ZC3HAV1: variants seen among roughly 807,000 people sequenced by gnomAD.
ZC3HAV1 encodes the protein zinc finger CCCH-type containing, antiviral 1, also known as zinc finger CCCH-type antiviral protein 1.
ZC3HAV1 carries 41 observed loss-of-function variants against 86.6 expected under a neutral mutation model. That is an observed-to-expected ratio of 0.47 (90% CI 0.37 to 0.61). The LOEUF (loss-of-function observed/expected upper bound fraction) is 0.61, where lower values mean the gene tolerates loss of function less well. Among genes scored for constraint, ZC3HAV1 ranks in the 20% least tolerant of loss-of-function variants. The pLI, the probability that ZC3HAV1 is intolerant of heterozygous loss-of-function variation, is 0.00. For synonymous variants in ZC3HAV1, 421 were observed against 432.1 expected, an observed-to-expected ratio of 0.97 and a Z score of 0.32; for missense variants, 964 against 1,141.1, an observed-to-expected ratio of 0.84 and a Z score of 2.24.
At chr7:139,086,774 A>G (rs1354024380) in intron 2 of ZC3HAV1, among the ~76,000 whole-genome samples, 1 of 152,136 alleles carries the variant, frequency 6.6e-6, no homozygotes, top group East Asian at 1.9e-4. Flanking sequence ...TTCTCACAAG[A>G]TGTGATGGTT....
At position 139,060,664 on chromosome 7, in the gene ZC3HAV1, G is replaced by T. The variant is rs1426171403; in HGVS notation, c.2096+372C>A. The T allele has an allele frequency of 1.1e-5, 11 of 1,025,174 alleles. No individual in the cohort carries two copies. In the Admixed American group the frequency reaches 2.6e-4, roughly 24 times the overall value. 63.5% of individuals were successfully genotyped at this position (1,025,174 alleles called of 1,614,324 possible). On this transcript the variant is annotated intron_variant, in intron 9 of 12. Coordinates refer to ENST00000242351, the MANE Select transcript of ZC3HAV1 (RefSeq NM_020119.4). ...AAGACCAGCCTGGGCAACAAAGTGAGACCCCCTCTAAAAAAAAAAAAAAAA... is the reference window on the plus strand; with the variant it reads ...AAGACCAGCCTGGGCAACAAAGTGATACCCCCTCTAAAAAAAAAAAAAAAA...
At chr7:139,051,706 A>G (rs1429216740) in intron 12 of ZC3HAV1, among the ~76,000 whole-genome samples, 3 of 152,204 alleles carry the variant, frequency 2.0e-5, no homozygotes, top group Non-Finnish European at 4.4e-5. Flanking sequence ...TTACAGGTCT[A>G]AGCTACCATG....
Position 139,078,614 on chromosome 7 carries a change from A to C in ZC3HAV1, c.1511T>G (p.Val504Gly), listed in dbSNP as rs774360949. Residue 504 changes from valine (V) to glycine (G), a missense_variant, in exon 5 of 13, where the codon GTG becomes GGG. Transcript: ENST00000242351. ...AATTTCCTCTGAGTCATGATCATCC[A>C]CCCTAGAAGATGTGGTACTTGTGAC... ...SDVTSTTSSRVDDHDSEEICL... is the reference protein window; with the variant it reads ...SDVTSTTSSRGDDHDSEEICL... The C allele has an allele frequency of 9.4e-6, 15 of 1,590,438 alleles. No homozygotes were observed. In the African/African-American group the frequency reaches 2.0e-4, roughly 22 times the overall value.
intron 12 of ZC3HAV1, among the ~76,000 whole-genome samples, chr7:139,049,142 T>TCCG (rs529568257): frequency 4.8e-5 from 5 of 104,900 alleles, no homozygotes; most frequent in African/African-American, 9.2e-5. Context: ...TTTTTTTTTT[T>TCCG]TCGTTGTTGT....
rs866125661 is a variant in ZC3HAV1 at position 139,065,836 on chromosome 7, G to A, written c.1873-837C>T. Among the ~76,000 whole-genome samples the A allele has an allele frequency of 3.3e-4, 50 of 152,270 alleles. 1 individual carries two copies. The Middle Eastern group carries it at 0.02, about 62-fold the overall frequency. Reference sequence around the variant, plus strand: ...GGAGAATCGCTTAAACTCGGGGGGCGGAGGTTGCAGTGAGCCAAGATCGTG... The same window carrying A: ...GGAGAATCGCTTAAACTCGGGGGGCAGAGGTTGCAGTGAGCCAAGATCGTG... On this transcript the variant is annotated intron_variant, in intron 7 of 12. Coordinates refer to ENST00000242351, the MANE Select transcript of ZC3HAV1 (RefSeq NM_020119.4).
intron 12 of ZC3HAV1, among the ~76,000 whole-genome samples, chr7:139,053,192 A>G (rs1343195871): frequency 1.3e-5 from 2 of 152,202 alleles, no homozygotes; most frequent in South Asian, 2.1e-4. Context: ...GGAGTAGTTT[A>G]CAAGCACGTA....
intron 1 of ZC3HAV1, among the ~76,000 whole-genome samples, chr7:139,101,477 C>T (rs1265575557): frequency 5.2e-4 from 55 of 105,296 alleles, no homozygotes; most frequent in East Asian, 1.3e-3. Context: ...ATGTGAGGAG[C>T]GCCTCAGCCC....
intron 7 of ZC3HAV1, 101 bp from the exon 8 acceptor site, chr7:139,065,100 A>AT: frequency 1.3e-6 from 2 of 1,502,502 alleles, no homozygotes. Context: ...ACAGGAGTGC[A>AT]TTTTGCTTCC....
rs1022296085 is a variant in ZC3HAV1, at chr7:139,100,170, A to G, written c.308+8854T>C. ...GAAGCAACTACTAAGATGCCAAGTA[A>G]GACAAACTTAAAAAAATGAGTAATA... On this transcript the variant is annotated intron_variant, in intron 1 of 12. Coordinates refer to ENST00000242351, the MANE Select transcript of ZC3HAV1 (RefSeq NM_020119.4). 2.6e-5 allele frequency among the ~76,000 whole-genome samples: 4 copies of G among 152,062 alleles called. No individual in the cohort carries two copies. The East Asian group carries it at 7.7e-4, about 29-fold the overall frequency.
At chr7:139,061,167 T>G in intron 8 of ZC3HAV1, 29 bp from the exon 9 acceptor site, 1 of 1,600,624 alleles carries the variant, frequency 6.2e-7, no homozygotes, top group African/African-American at 1.3e-5. Context: ...ATAAAAGCAG[T>G]GAGAATCAAG....
intron 1 of ZC3HAV1, among the ~76,000 whole-genome samples, chr7:139,095,617 G>A (rs996348456): frequency 6.6e-6 from 1 of 152,216 alleles, no homozygotes; most frequent in African/African-American, 2.4e-5. Context: ...GGCTGGGCCC[G>A]CTGAGGATAG....
intron 6 of ZC3HAV1, among the ~76,000 whole-genome samples, chr7:139,074,448 T>G (rs1816875021): frequency 2.0e-5 from 3 of 152,166 alleles, no homozygotes; most frequent in Non-Finnish European, 4.4e-5. Context: ...ACATTAAACA[T>G]TATTTGCTTT....
chr7:139,108,960 C>A lies in ZC3HAV1; in HGVS notation c.308+64G>T. ...AAGCCGTGCCCCTCCCAGAACATTG[C>A]CCGCCTGGACAGTCCACCCCGACCA... On this transcript the variant is annotated intron_variant, in intron 1 of 12. Transcript: ENST00000242351. This position sits in a 1 kb window ranked among gnomAD's most constrained non-coding sequence, Gnocchi z 4.2. 1 of 1,471,882 alleles carries A rather than the reference C, an allele frequency of 6.8e-7. No homozygotes were observed. Among genetic ancestry groups the A allele is most frequent in the Non-Finnish European group, 9.1e-7 (1 of 1,101,562 alleles). 91.2% of individuals were successfully genotyped at this position (1,471,882 alleles called of 1,614,324 possible).
intron 1 of ZC3HAV1, among the ~76,000 whole-genome samples, chr7:139,097,083 A>G (rs1817610675): frequency 6.6e-6 from 1 of 152,022 alleles, no homozygotes; most frequent in East Asian, 1.9e-4. Context: ...GGTTGCAGTG[A>G]GCAGAGATCG....
intron 7 of ZC3HAV1, 21 bp downstream of exon 7, chr7:139,073,816 GTTTAAACAAGAGCCCCCTA>G: frequency 6.4e-7 from 1 of 1,557,022 alleles, no homozygotes; most frequent in Non-Finnish European, 8.7e-7. Flanking sequence ...AAGTTGACAA[GTTTAAACAAGAGCCCCCTA>G]CAAGGAGGAA....
intron 5 of ZC3HAV1, among the ~76,000 whole-genome samples, chr7:139,078,154 A>T (rs1817009499): frequency 6.6e-6 from 1 of 152,166 alleles, no homozygotes; most frequent in African/African-American, 2.4e-5. Flanking sequence ...CAGGAGAATC[A>T]CTTGAACCCA....
rs1273703617 is a variant in ZC3HAV1, at chr7:139,108,987, G to C, written c.308+37C>G. The C allele has an allele frequency of 3.3e-6, 5 of 1,507,348 alleles. No homozygotes were observed. The highest frequency in any genetic ancestry group is 4.5e-6 in the Non-Finnish European group (5 of 1,118,724). The allele number at this position is 1,507,348 out of a possible 1,614,324, so 93.4% of individuals were successfully genotyped here. The stretch of plus-strand genomic sequence containing the variant: ...CGCCTGGACAGTCCACCCCGACCAC[G>C]GCTGCGGACAGCGCCCCTCCCTCCG... On this transcript the variant is annotated intron_variant, in intron 1 of 12. Coordinates refer to ENST00000242351, the MANE Select transcript of ZC3HAV1 (RefSeq NM_020119.4). This position sits in a 1 kb window ranked among gnomAD's most constrained non-coding sequence, Gnocchi z 4.2.
At chr7:139,050,413 GC>G (rs1345073582) in intron 12 of ZC3HAV1, among the ~76,000 whole-genome samples, 1 of 152,010 alleles carries the variant, frequency 6.6e-6, no homozygotes, top group South Asian at 2.1e-4. Context: ...TGTCACTGAG[GC>G]TGGAGTGCAG....
chr7:139,061,376 T>C (rs1179650920), intron 8 of ZC3HAV1, among the ~76,000 whole-genome samples: 1 of 152,216 alleles, frequency 6.6e-6, no homozygotes, highest in African/African-American at 2.4e-5. Flanking sequence ...ATTAATCTCA[T>C]CTTTAAATCC....
Sources: allele counts gnomAD v4.1 joint callset (sites outside exome capture counted in the v4.1 genomes callset), GRCh38; gene constraint gnomAD v4.1.1; non-coding constraint Gnocchi (gnomAD v3.1); transcripts MANE v1.5; gene names NCBI Gene and HGNC (gene_info 2026-07-23, HGNC 2026-07-21).